ZDHHC23: variants seen among roughly 807,000 people sequenced by gnomAD.
The protein encoded by ZDHHC23 is zDHHC palmitoyltransferase 23.
ZDHHC23 carries 41 observed loss-of-function variants against 40.2 expected under a neutral mutation model. The observed-to-expected ratio is 1.02, with a 90% CI of 0.79 to 1.32. The LOEUF (loss-of-function observed/expected upper bound fraction) is 1.32, where lower values mean the gene tolerates loss of function less well. Ranked by LOEUF, ZDHHC23 falls within the 40% of genes most tolerant of loss-of-function variation. The pLI is 0.00. For synonymous variants in ZDHHC23, 204 were observed against 210.2 expected, an observed-to-expected ratio of 0.97 and a Z score of 0.26; for missense variants, 471 against 541.5, an observed-to-expected ratio of 0.87 and a Z score of 1.29.
At chr3:113,973,844 C>A in the ZDHHC23 span, among the ~76,000 whole-genome samples, 1 of 151,724 alleles carries the variant, frequency 6.6e-6, no homozygotes, top group African/African-American at 2.4e-5. Flanking sequence ...TGGAAAGTTT[C>A]CTATTTTTAT....
intron 4 of ZDHHC23, chr3:113,957,461 A>G: frequency 2.8e-6 from 1 of 354,658 alleles, no homozygotes; most frequent in Non-Finnish European, 5.5e-6. Context: ...CAGCATGTGA[A>G]TGAAATTCTC....
At chr3:113,968,461 C>A (rs574711507), downstream of ZDHHC23, among the ~76,000 whole-genome samples, 365 of 144,906 alleles carry the variant, frequency 2.5e-3, 3 homozygotes, top group African/African-American at 8.4e-3. Context: ...CTTCCCCCCC[C>A]TTTTTTTTTT....
At chr3:113,976,655 GGTTA>G in the ZDHHC23 span, among the ~76,000 whole-genome samples, 221 of 150,936 alleles carry the variant, frequency 1.5e-3, no homozygotes, top group Non-Finnish European at 2.4e-3. Context: ...AAAAAAAAAA[GGTTA>G]GTTATTATTT....
chr3:113,978,047 C>T, the ZDHHC23 span: 2,190 of 846,850 alleles, frequency 2.6e-3, 20 homozygotes, highest in Admixed American at 0.025. Context: ...GCTGGTGAGC[C>T]GGGACTCCCA....
the ZDHHC23 span, chr3:113,978,556 A>G: frequency 1.7e-6 from 1 of 598,810 alleles, no homozygotes. Context: ...TGAAGGGGTA[A>G]GTTTCTAAAT....
Position 113,948,812 on chromosome 3 carries a change from A to G in ZDHHC23, c.10A>G (p.Lys4Glu). The G allele has an allele frequency of 6.2e-7, 1 of 1,614,196 alleles. No individual in the cohort carries two copies. The highest frequency in any genetic ancestry group is 1.7e-5 in the Admixed American group (1 of 60,020). The change falls in exon 2 of 5, where the codon AAG becomes GAG. Residue 4 changes from lysine (K) to glutamate (E), a missense_variant. Lys to Glu is a moderately conservative substitution (Grantham distance 56). Around this residue, in one of 3 missense-constraint regions of ZDHHC23, gnomAD observed 83 missense variants for 67.8 expected, o/e 1.22. Coordinates refer to ENST00000638807, the MANE Select transcript of ZDHHC23 (RefSeq NM_001320466.2). The part of the protein sequence containing the change: MTQ[K>E]GSMKPVKKKK... ...GTGACAGGTGCAAATCATGACACAG[A>G]AGGGCAGTATGAAGCCTGTGAAGAA...
Position 113,955,391 on chromosome 3 carries a change from T to TGTGTGCGCGC in ZDHHC23, c.873-947_873-946insTGTGCGCGCG, listed in dbSNP as rs58421915. Among the ~76,000 whole-genome samples, 254 of 149,170 alleles carry TGTGTGCGCGC rather than the reference T, an allele frequency of 1.7e-3. 2 individuals carry two copies. Among genetic ancestry groups the TGTGTGCGCGC allele is most frequent in the African/African-American group, 6.0e-3 (243 of 40,340 alleles). Reference sequence around the variant, plus strand: ...GTGTGTGTGTGTGTGTGTGTGTGTGTGCGTGTGTGTTCCATTTACAAATGC... The same window carrying TGTGTGCGCGC: ...GTGTGTGTGTGTGTGTGTGTGTGTGTGTGTGCGCGCGCGTGTGTGTTCCATTTACAAATGC... On this transcript the variant is annotated intron_variant, in intron 3 of 4. Transcript: ENST00000638807.
chr3:113,960,091 G>A lies in ZDHHC23; in HGVS notation c.*1461G>A, dbSNP rs1368073990. On this transcript the variant is annotated 3_prime_UTR_variant, in exon 5 of 5. Coordinates refer to ENST00000638807, the MANE Select transcript of ZDHHC23 (RefSeq NM_001320466.2). ...TTGCCTTGGCTTATAGCTTAATATAGGGAAAATATTGCCAGCGTTTTCAGT... is the reference window on the plus strand; with the variant it reads ...TTGCCTTGGCTTATAGCTTAATATAAGGAAAATATTGCCAGCGTTTTCAGT... 1.0e-6 allele frequency: 1 copy of A among 989,054 alleles called. No individual in the cohort carries two copies. The highest frequency in any genetic ancestry group is 5.2e-4 in the Middle Eastern group (1 of 1,936). The allele number at this position is 989,054 out of a possible 1,614,324, so 61.3% of individuals were successfully genotyped here.
chr3:113,970,716 C>T, the ZDHHC23 span, among the ~76,000 whole-genome samples: 6 of 152,118 alleles, frequency 3.9e-5, no homozygotes, highest in East Asian at 3.9e-4. Flanking sequence ...TATCCCTCCC[C>T]GTCCCCCCAC....
rs541615686 is a variant in ZDHHC23, at chr3:113,951,231, C to T, written c.161+2268C>T. ...TCAGTGGGGTCTCTCTGTAGTGGCC[C>T]CACCACAATGACAGCTCCACTGGGC... On this transcript the variant is annotated intron_variant, in intron 2 of 4. Transcript: ENST00000638807. 2.6e-5 allele frequency among the ~76,000 whole-genome samples: 4 copies of T among 152,244 alleles called. No homozygotes were observed. The East Asian group carries it at 7.7e-4, about 29-fold the overall frequency.
downstream of ZDHHC23, among the ~76,000 whole-genome samples, chr3:113,969,872 T>A (rs1280737692): frequency 6.6e-6 from 1 of 152,234 alleles, no homozygotes; most frequent in African/African-American, 2.4e-5. Flanking sequence ...ATTTTTTTTC[T>A]ATTTCCGTGA....
downstream of ZDHHC23, chr3:113,965,228 G>A (rs749091283): frequency 2.9e-5 from 46 of 1,611,982 alleles, no homozygotes; most frequent in Non-Finnish European, 3.9e-5. Context: ...GTACCTTCCA[G>A]GTACCTGGAA....
Position 113,960,580 on chromosome 3 carries a change from G to A in ZDHHC23, c.*1950G>A. 1 of 1,520,508 alleles carries A rather than the reference G, an allele frequency of 6.6e-7. No individual in the cohort carries two copies. Among genetic ancestry groups the A allele is most frequent in the East Asian group, 2.5e-5 (1 of 40,182 alleles). The allele number at this position is 1,520,508 out of a possible 1,614,324, so 94.2% of individuals were successfully genotyped here. ...TACAAATTGATAGAAACATTAGTCA[G>A]TAATTTTAGCTTCTTGCCAAATTGT... On this transcript the variant is annotated 3_prime_UTR_variant, in exon 5 of 5. Coordinates refer to ENST00000638807, the MANE Select transcript of ZDHHC23 (RefSeq NM_001320466.2).
In ZDHHC23 at chr3:113,960,540, T is replaced by C. The variant is rs1386575047; in HGVS notation, c.*1910T>C. On this transcript the variant is annotated 3_prime_UTR_variant, in exon 5 of 5. Transcript: ENST00000638807. ...TCAGCTGTAGAGCCAACTCTGATTA[T>C]CTAGCCATTGATCATACAAATTGAT... The C allele has an allele frequency of 2.1e-6, 3 of 1,428,840 alleles. No individual in the cohort carries two copies. In the African/African-American group the frequency reaches 4.5e-5, roughly 21 times the overall value. The allele number at this position is 1,428,840 out of a possible 1,614,324, so 88.5% of individuals were successfully genotyped here.
chr3:113,959,459 G>T lies in ZDHHC23; in HGVS notation c.*829G>T. The T allele has an allele frequency of 8.0e-7, 1 of 1,254,922 alleles. No individual in the cohort carries two copies. The highest frequency in any genetic ancestry group is 1.0e-6 in the Non-Finnish European group (1 of 962,088). 77.7% of individuals were successfully genotyped at this position (1,254,922 alleles called of 1,614,324 possible). The stretch of plus-strand genomic sequence containing the variant: ...ATTTATATTTTATAAATTCTGCTTG[G>T]GTTTCTTATAAATAACTCCAACAGG... On this transcript the variant is annotated 3_prime_UTR_variant, in exon 5 of 5. Coordinates refer to ENST00000638807, the MANE Select transcript of ZDHHC23 (RefSeq NM_001320466.2).
At chr3:113,969,073 G>T (rs1430925904), downstream of ZDHHC23, among the ~76,000 whole-genome samples, 1 of 152,070 alleles carries the variant, frequency 6.6e-6, no homozygotes. Flanking sequence ...GAGGTGCCAG[G>T]TTCTTTTTAA....
rs1194141221 is a variant in ZDHHC23 at position 113,961,643 on chromosome 3, T to TG, written c.*3013_*3014insG. 5.2e-5 allele frequency: 8 copies of TG among 152,682 alleles called. No homozygotes were observed. Among genetic ancestry groups the TG allele is most frequent in the African/African-American group, 1.9e-4 (8 of 41,474 alleles). The allele number at this position is 152,682 out of a possible 1,614,324, so 9.5% of individuals were successfully genotyped here. On this transcript the variant is annotated 3_prime_UTR_variant, in exon 5 of 5. Coordinates refer to ENST00000638807, the MANE Select transcript of ZDHHC23 (RefSeq NM_001320466.2). ...TAGGATATTGTAAATCTTTGCTAAG[T>TG]AGTGTTTTCCTTGGTGAATGAAGTC...
In ZDHHC23 at chr3:113,962,459, C is replaced by T. The variant is rs1174686026; in HGVS notation, c.*3829C>T. 1 of 152,148 alleles carries T rather than the reference C, an allele frequency of 6.6e-6. No individual in the cohort carries two copies. The highest frequency in any genetic ancestry group is 2.4e-5 in the African/African-American group (1 of 41,422). 9.4% of individuals were successfully genotyped at this position (152,148 alleles called of 1,614,324 possible). A position where few individuals can be genotyped will look rare whatever the true frequency, so the allele number is the denominator to read the frequency against. On this transcript the variant is annotated 3_prime_UTR_variant, in exon 5 of 5. Coordinates refer to ENST00000638807, the MANE Select transcript of ZDHHC23 (RefSeq NM_001320466.2). ...TAGTGGCCTAGCCTTCTTGATGGCA[C>T]CTTGAAAGTGAACTTCTAGAAATCT...
chr3:113,950,601 C>A (rs1372266949), intron 2 of ZDHHC23, among the ~76,000 whole-genome samples: 1 of 152,166 alleles, frequency 6.6e-6, no homozygotes, highest in Non-Finnish European at 1.5e-5. Context: ...TTTGGAGGGA[C>A]ACAGATACTT....
Sources: allele counts gnomAD v4.1 joint callset (sites outside exome capture counted in the v4.1 genomes callset), GRCh38; gene constraint gnomAD v4.1.1; regional missense constraint gnomAD v4.1.1; transcripts MANE v1.5; gene names NCBI Gene and HGNC (gene_info 2026-07-23, HGNC 2026-07-21).